Variants in SH2D6 observed in about 807,000 individuals in gnomAD.
SH2D6 encodes the protein SH2 domain containing 6.
Under a neutral mutation model 30.2 loss-of-function variants are expected in SH2D6, and 31 were observed. The observed-to-expected ratio is 1.03, with a 90% CI of 0.77 to 1.38. The LOEUF (loss-of-function observed/expected upper bound fraction) is 1.38. SH2D6 is among the 40% of genes most tolerant of loss of function. SH2D6 has a pLI of 0.00. For missense variants in SH2D6, 240 were observed against 266.8 expected (o/e 0.90, Z 0.70); for synonymous variants, 93 against 104.6 (o/e 0.89, Z 0.68).
chr2:85,423,822 C>T (rs1442240222), intron 5 of SH2D6, among the ~76,000 whole-genome samples: 1 of 152,240 alleles, frequency 6.6e-6, no homozygotes, highest in Non-Finnish European at 1.5e-5. Flanking sequence ...CAGGACAGCC[C>T]CTTCCCTCCC....
At chr2:85,433,307 G>A (rs34306645) in intron 15 of SH2D6, among the ~76,000 whole-genome samples, 186 bp downstream of exon 15, 31,381 of 152,216 alleles carry the variant, frequency 0.21, 3,758 homozygotes, top group Non-Finnish European at 0.28. Flanking sequence ...TGAGGGTGCC[G>A]CCCAGGGATC....
chr2:85,421,214 A>G (rs1573202607), intron 2 of SH2D6, among the ~76,000 whole-genome samples: 2 of 152,200 alleles, frequency 1.3e-5, no homozygotes, highest in Non-Finnish European at 2.9e-5. Context: ...CGCTCCCGCT[A>G]AGGAAGGCAA....
At chr2:85,423,198 T>TGTTG (rs1441536762) in intron 5 of SH2D6, among the ~76,000 whole-genome samples, 4 of 152,114 alleles carry the variant, frequency 2.6e-5, no homozygotes, top group Admixed American at 6.5e-5. Context: ...TGTTTTTTTT[T>TGTTG]TTGTTGTTGT....
intron 5 of SH2D6, among the ~76,000 whole-genome samples, chr2:85,423,195 T>G (rs34177521): frequency 0.47 from 63,880 of 135,232 alleles, 13,831 homozygotes; most frequent in African/African-American, 0.54. Context: ...GCCTGTTTTT[T>G]TTTTTGTTGT....
At position 85,434,503 on chromosome 2, in the gene SH2D6, T is replaced by A; in HGVS notation, c.589+6T>A. 1 of 1,549,810 alleles carries A rather than the reference T, an allele frequency of 6.5e-7. No homozygotes were observed. The highest frequency in any genetic ancestry group is 1.2e-5 in the South Asian group (1 of 84,042). On this transcript the variant is annotated splice_donor_region_variant and intron_variant, in intron 19 of 23. Coordinates refer to ENST00000469800, the MANE Select transcript of SH2D6 (RefSeq NM_001394463.1). ...AGCAGATGCTGCCTCTAAAGGTGAG[T>A]AAAGGCTGGTCCAAAGGTAGTGAGT...
At chr2:85,434,798 A>T in intron 19 of SH2D6, 1 of 1,449,842 alleles carries the variant, frequency 6.9e-7, no homozygotes, top group Admixed American at 2.8e-5. Context: ...CCTCTTGGGC[A>T]TTTTCCGGTG....
intron 6 of SH2D6, among the ~76,000 whole-genome samples, chr2:85,427,497 C>T (rs1321160788): frequency 1.3e-5 from 2 of 152,202 alleles, no homozygotes; most frequent in Non-Finnish European, 2.9e-5. Context: ...CTTTCACTCA[C>T]CCAGGCCTTG....
intron 5 of SH2D6, among the ~76,000 whole-genome samples, 189 bp from the exon 6 acceptor site, chr2:85,425,119 G>A (rs540939917): frequency 3.9e-5 from 6 of 152,062 alleles, no homozygotes; most frequent in Admixed American, 6.5e-5. Context: ...GTATAACGCC[G>A]TAACACTAGT....
rs1419439811 is a variant in SH2D6 at position 85,419,053 on chromosome 2, G to A, written c.-768G>A. ...GAGCAAACTCCCATTCCTGGAAGGA[G>A]GAGCAGCCCAGACCCTGAGACTGGA... is the stretch of plus-strand genomic sequence containing the variant. On this transcript the variant is annotated 5_prime_UTR_variant, in exon 2 of 24. Coordinates refer to ENST00000469800, the MANE Select transcript of SH2D6 (RefSeq NM_001394463.1). 1 of 152,442 alleles carries A rather than the reference G, an allele frequency of 6.6e-6. No individual in the cohort carries two copies. The highest frequency in any genetic ancestry group is 1.5e-5 in the Non-Finnish European group (1 of 68,194). 9.4% of individuals were successfully genotyped at this position (152,442 alleles called of 1,614,324 possible). A position where few individuals can be genotyped will look rare whatever the true frequency, so the allele number is the denominator to read the frequency against.
At chr2:85,432,202 A>G (rs1688752476) in intron 14 of SH2D6, among the ~76,000 whole-genome samples, 1 of 150,052 alleles carries the variant, frequency 6.7e-6, no homozygotes, top group African/African-American at 2.4e-5. Flanking sequence ...AAGATCACAC[A>G]GAAGCAGAGT....
chr2:85,434,246 G>A, intron 17 of SH2D6, 94 bp from the exon 18 acceptor site: 1 of 1,512,668 alleles, frequency 6.6e-7, no homozygotes, highest in East Asian at 2.5e-5. Context: ...GTTGGCAGTG[G>A]TGGCAGGGGC....
At chr2:85,435,894 T>C in intron 22 of SH2D6, 70 bp downstream of exon 22, 6 of 1,446,920 alleles carry the variant, frequency 4.1e-6, no homozygotes, top group Non-Finnish European at 5.5e-6. Flanking sequence ...GCCAAGAGCA[T>C]TTGCCTAGGG....
At chr2:85,421,170 G>A (rs1687736053) in intron 2 of SH2D6, among the ~76,000 whole-genome samples, 1 of 152,228 alleles carries the variant, frequency 6.6e-6, no homozygotes, top group Non-Finnish European at 1.5e-5. Flanking sequence ...ATTTGGTGGA[G>A]GAGGGAGAGT....
chr2:85,421,306 T>G (rs1687740755), intron 2 of SH2D6: 1 of 152,210 alleles, frequency 6.6e-6, no homozygotes, highest in Non-Finnish European at 1.5e-5. Context: ...GAGGGAGTCC[T>G]TGGTGATCCA....
rs371306464 is a variant in SH2D6 at position 85,436,544 on chromosome 2, C to T, written c.970C>T (p.Arg324Trp). Reference sequence around the variant, plus strand: ...CCTTGTGGACAGACACAGCGGCAGCCGGGAACTCACCTGCCTGCTCTTCCC... The same window carrying T: ...CCTTGTGGACAGACACAGCGGCAGCTGGGAACTCACCTGCCTGCTCTTCCC... ...LPLVDRHSGS[R>W]ELTCLLFPTK... Residue 324 changes from arginine to tryptophan, a missense_variant, in exon 23 of 24, where the codon CGG becomes TGG. Coordinates refer to ENST00000469800, the MANE Select transcript of SH2D6 (RefSeq NM_001394463.1). 40 of 1,613,542 alleles carry T rather than the reference C, an allele frequency of 2.5e-5. No homozygotes were observed. The highest frequency in any genetic ancestry group is 1.5e-4 in the Admixed American group (9 of 60,006).
Position 85,435,119 on chromosome 2 carries a change from C to T in SH2D6, c.644C>T (p.Ala215Val). 6.2e-7 allele frequency: 1 copy of T among 1,604,260 alleles called. No homozygotes were observed. Among genetic ancestry groups the T allele is most frequent in the Non-Finnish European group, 8.5e-7 (1 of 1,174,850 alleles). Residue 215 changes from alanine (A) to valine (V), a missense_variant, in exon 20 of 24, where the codon GCT becomes GTT. Transcript: ENST00000469800. ...GCCCCCACTGGGAGTGCCTCAGCTGCTGAGGTGAGGAGGGGCTGGGAGCAG... is the reference window on the plus strand; with the variant it reads ...GCCCCCACTGGGAGTGCCTCAGCTGTTGAGGTGAGGAGGGGCTGGGAGCAG... Reference protein sequence around the residue: ...SVAPTGSASAAEDSDLLTQPW... With the variant: ...SVAPTGSASAVEDSDLLTQPW...
In SH2D6 at chr2:85,434,101, G is replaced by A. The variant is rs2104939770; in HGVS notation, c.523G>A (p.Val175Met). 1 of 1,550,580 alleles carries A rather than the reference G, an allele frequency of 6.4e-7. No individual in the cohort carries two copies. Among genetic ancestry groups the A allele is most frequent in the Non-Finnish European group, 8.7e-7 (1 of 1,146,988 alleles). The change falls in exon 17 of 24, where the codon GTG becomes ATG. Residue 175 changes from valine to methionine, a missense_variant. Coordinates refer to ENST00000469800, the MANE Select transcript of SH2D6 (RefSeq NM_001394463.1). ...CTCAGGCCCTCTGCCCAGGACATCA[G>A]TGGTGCCCAGGTAAGTGCCCCACCA... Reference protein sequence around the residue: ...MPSGPLPRTSVVPRPTTAPQE... With the variant: ...MPSGPLPRTSMVPRPTTAPQE...
In SH2D6 at chr2:85,433,219, GA is replaced by G. The variant is rs901193515; in HGVS notation, c.393+101del. ...CTAGGGAGGGCCAGGAAATATCCCT[GA>G]AACCAAGGGAAAAGGCCCAGAGCAG... On this transcript the variant is annotated intron_variant, in intron 15 of 23. Coordinates refer to ENST00000469800, the MANE Select transcript of SH2D6 (RefSeq NM_001394463.1). The G allele has an allele frequency of 2.1e-5, 18 of 843,584 alleles. No individual in the cohort carries two copies. The African/African-American group carries it at 2.6e-4, about 12-fold the overall frequency. 52.3% of individuals were successfully genotyped at this position (843,584 alleles called of 1,614,324 possible).
At chr2:85,423,892 G>C (rs985016236) in intron 5 of SH2D6, among the ~76,000 whole-genome samples, 4 of 152,236 alleles carry the variant, frequency 2.6e-5, no homozygotes, top group Admixed American at 2.0e-4. Flanking sequence ...CAACCACAGA[G>C]TTCCGTTGGC....
Sources: allele counts gnomAD v4.1 joint callset (sites outside exome capture counted in the v4.1 genomes callset), GRCh38; gene constraint gnomAD v4.1.1; transcripts MANE v1.5; gene names NCBI Gene and HGNC (gene_info 2026-07-23, HGNC 2026-07-21).